The following SPTA1 variants were observed in gnomAD, a reference collection of about 807,000 sequenced individuals.
The protein encoded by SPTA1 is spectrin alpha, erythrocytic 1.
SPTA1 carries 177 observed loss-of-function variants against 324.7 expected under a neutral mutation model. That is an observed-to-expected ratio of 0.55 (90% confidence interval 0.48 to 0.62). The LOEUF is 0.62. Among genes scored for constraint, SPTA1 ranks in the 20% least tolerant of loss-of-function variants. The pLI is 0.00. For synonymous variants in SPTA1, 1,195 were observed against 1,041.3 expected (o/e 1.15, Z -2.84); for missense variants, 3,162 against 2,883.6 (o/e 1.10, Z -2.21).
At chr1:158,666,636 C>T in intron 15 of SPTA1, 139 bp from the exon 16 acceptor site, 1 of 780,696 alleles carries the variant, frequency 1.3e-6, no homozygotes, top group East Asian at 2.7e-5. Flanking sequence ...TCACATGTCT[C>T]ACAAAAAGTC....
At chr1:158,662,665 C>T (rs1653311764) in intron 17 of SPTA1, 37 bp downstream of exon 17, 2 of 1,612,734 alleles carry the variant, frequency 1.2e-6, no homozygotes, top group Admixed American at 1.7e-5. Context: ...GACCTTGGTC[C>T]TTTCCTAGTG....
intron 47 of SPTA1, among the ~76,000 whole-genome samples, chr1:158,617,176 A>T (rs2022003): frequency 0.29 from 43,488 of 151,966 alleles, 6,375 homozygotes; most frequent in East Asian, 0.44. Flanking sequence ...GCACTTTTAC[A>T]TTTGCTCCTT....
chr1:158,618,243 T>G (rs2101755803), intron 45 of SPTA1, 187 bp from the exon 46 acceptor site: 1 of 632,182 alleles, frequency 1.6e-6, no homozygotes, highest in South Asian at 1.9e-5. Flanking sequence ...GATCAGAGTC[T>G]CCCATAAAGC....
rs372976600 is a variant in SPTA1, at chr1:158,656,675, G to T, written c.2806-19C>A. 28 of 1,595,954 alleles carry T rather than the reference G, an allele frequency of 1.8e-5. No homozygotes were observed. In the South Asian group the frequency reaches 2.1e-4, roughly 12 times the overall value. On this transcript the variant is annotated intron_variant, in intron 19 of 51. Transcript: ENST00000643759. Reference sequence around the variant, plus strand: ...GAAGAGCCTGCATTTATTGATGGAAGATCATCAGAATGAATATAGGAGGAA... The same window carrying T: ...GAAGAGCCTGCATTTATTGATGGAATATCATCAGAATGAATATAGGAGGAA...
intron 14 of SPTA1, 121 bp from the exon 15 acceptor site, chr1:158,668,183 AG>A (rs1430422645): frequency 1.8e-6 from 2 of 1,123,560 alleles, no homozygotes; most frequent in African/African-American, 1.6e-5. Context: ...AGAAGATAAA[AG>A]GGGGAAGTTT....
rs531590551 is a variant in SPTA1, at chr1:158,647,627, C to A, written c.3808G>T (p.Ala1270Ser). Reference protein sequence around the residue: ...LQRQKMELNEAWEDLQGRTKD... With the variant: ...LQRQKMELNESWEDLQGRTKD... ...GTACGCCCCTGCAGGTCTTCCCAGG[C>A]CTCATTCAGCTCCATTTTCTGTCTC... is the stretch of plus-strand genomic sequence containing the variant. The change falls in exon 27 of 52, where the codon GCC (alanine) becomes TCC (serine). Residue 1270 changes from alanine to serine, a missense_variant. Transcript: ENST00000643759. The A allele has an allele frequency of 7.1e-5, 114 of 1,613,974 alleles. 1 individual carries two copies. The South Asian group carries it at 1.2e-3, about 17-fold the overall frequency.
chr1:158,615,596 A>C (rs1036771417), intron 47 of SPTA1, among the ~76,000 whole-genome samples, 193 bp from the exon 48 acceptor site: 1 of 152,196 alleles, frequency 6.6e-6, no homozygotes, highest in African/African-American at 2.4e-5. Context: ...GTTTAGGTGA[A>C]TAAAACTTGT....
intron 3 of SPTA1, 47 bp downstream of exon 3, chr1:158,683,324 T>C (rs891659450): frequency 6.2e-7 from 1 of 1,611,974 alleles, no homozygotes. Flanking sequence ...AAAACCCTGA[T>C]AACATAATCA....
chr1:158,625,076 C>A (rs766217205), intron 42 of SPTA1, among the ~76,000 whole-genome samples: 54 of 152,262 alleles, frequency 3.5e-4, no homozygotes, highest in Admixed American at 1.2e-3. Flanking sequence ...AACAGACTCA[C>A]TTTTTCCATA....
At position 158,613,724 on chromosome 1, in the gene SPTA1, C is replaced by A. The variant is rs762424841; in HGVS notation, c.6986G>T (p.Gly2329Val). 6.2e-7 allele frequency: 1 copy of A among 1,613,614 alleles called. No homozygotes were observed. The highest frequency in any genetic ancestry group is 1.3e-5 in the African/African-American group (1 of 74,892). ...FEKFLDAVDP[G>V]RKGYVSLEDY... ...TGACCCTTAGTCTTGTTCCTACCTC[C>A]CTGGATCCACAGCATCCAGGAACTT... The change falls in exon 50 of 52, where the codon GGG becomes GTG. Residue 2329 changes from glycine (G) to valine (V), a missense_variant. Coordinates refer to ENST00000643759, the MANE Select transcript of SPTA1 (RefSeq NM_003126.4).
Position 158,678,423 on chromosome 1 carries a change from C to T in SPTA1, c.790G>A (p.Ala264Thr). The T allele has an allele frequency of 1.2e-6, 2 of 1,613,664 alleles. No individual in the cohort carries two copies. The highest frequency in any genetic ancestry group is 2.2e-5 in the South Asian group (2 of 91,076). The change falls in exon 6 of 52, where the codon GCA becomes ACA. Residue 264 changes from alanine (A) to threonine (T), a missense_variant. Transcript: ENST00000643759. ...TACCTTTTGAATCGTTGTAAGTTTG[C>T]AGCATTGGACAGAGCTTTCTGTCTC... ...LQRQKALSNA[A>T]NLQRFKRDVT...
At position 158,645,545 on chromosome 1, in the gene SPTA1, C is replaced by T; in HGVS notation, c.3946G>A (p.Glu1316Lys). ...ATGCCAGTTAAGTCTTCGGCCAGCT[C>T]CTGTGATGATACCATGCCACCAATG... The part of the protein sequence containing the change: ...SSIGGMVSSQ[E>K]LAEDLTGIEI... Residue 1316 changes from glutamate (E) to lysine (K), a missense_variant, in exon 28 of 52, where the codon GAG becomes AAG. Transcript: ENST00000643759. 1 of 1,614,002 alleles carries T rather than the reference C, an allele frequency of 6.2e-7. No homozygotes were observed. The highest frequency in any genetic ancestry group is 8.5e-7 in the Non-Finnish European group (1 of 1,179,912).
rs551968324 is a variant in SPTA1, at chr1:158,639,514, C to G, written c.4980+68G>C. The G allele has an allele frequency of 4.8e-5, 73 of 1,516,722 alleles. No homozygotes were observed. In the African/African-American group the frequency reaches 8.5e-4, roughly 18 times the overall value. 94.0% of individuals were successfully genotyped at this position (1,516,722 alleles called of 1,614,324 possible). On this transcript the variant is annotated intron_variant, in intron 35 of 51. Coordinates refer to ENST00000643759, the MANE Select transcript of SPTA1 (RefSeq NM_003126.4). ...GCTATGTTTTCAAATGGTCTCCTAA[C>G]ATGGGAGGGAGAAGAGCCAGAAATA...
chr1:158,672,239 T>C, intron 10 of SPTA1, 43 bp from the exon 11 acceptor site: 1 of 1,540,200 alleles, frequency 6.5e-7, no homozygotes, highest in Non-Finnish European at 8.8e-7. Context: ...ATAATTAATT[T>C]ATTTTATTCT....
intron 48 of SPTA1, 77 bp from the exon 49 acceptor site, chr1:158,614,383 G>C (rs1045868917): frequency 3.8e-6 from 4 of 1,060,526 alleles, no homozygotes; most frequent in African/African-American, 1.6e-5. Context: ...ACATGGAAGA[G>C]AGAGGAATTT....
intron 10 of SPTA1, 84 bp from the exon 11 acceptor site, chr1:158,672,280 C>A: frequency 7.1e-7 from 1 of 1,416,338 alleles, no homozygotes; most frequent in South Asian, 1.3e-5. Flanking sequence ...AAATGCAAAG[C>A]CATTTAAGGA....
Position 158,612,678 on chromosome 1 carries a change from C to A in SPTA1, c.7134+139G>T, listed in dbSNP as rs1649332141. The A allele has an allele frequency of 5.6e-6, 5 of 897,390 alleles. No homozygotes were observed. In the Admixed American group the frequency reaches 9.9e-5, roughly 18 times the overall value. 55.6% of individuals were successfully genotyped at this position (897,390 alleles called of 1,614,324 possible). A position where few individuals can be genotyped will look rare whatever the true frequency, so the allele number is the denominator to read the frequency against. On this transcript the variant is annotated intron_variant, in intron 51 of 51. Coordinates refer to ENST00000643759, the MANE Select transcript of SPTA1 (RefSeq NM_003126.4). ...AGACAAAATGAAGTGGTTACCAAAG[C>A]AAATGACATCTTGTGAAAGGGGAGG...
In SPTA1 at chr1:158,683,601, C is replaced by T. The variant is rs187696583; in HGVS notation, c.265-105G>A. On this transcript the variant is annotated intron_variant, in intron 2 of 51. Coordinates refer to ENST00000643759, the MANE Select transcript of SPTA1 (RefSeq NM_003126.4). ...ACACAGGTTCTCAAAGGGTCCCAGA[C>T]TCAGAGGCCATAAAGAGTATTTTCC... The T allele has an allele frequency of 1.2e-5, 17 of 1,449,130 alleles. No individual in the cohort carries two copies. In the African/African-American group the frequency reaches 1.4e-4, roughly 12 times the overall value. The allele number at this position is 1,449,130 out of a possible 1,614,324, so 89.8% of individuals were successfully genotyped here. A position where few individuals can be genotyped will look rare whatever the true frequency, so the allele number is the denominator to read the frequency against.
chr1:158,654,101 TA>T (rs1245509303), intron 21 of SPTA1, among the ~76,000 whole-genome samples: 1 of 152,210 alleles, frequency 6.6e-6, no homozygotes, highest in African/African-American at 2.4e-5. Context: ...TATCAGAGTA[TA>T]AAAAATTACT....
Sources: allele counts gnomAD v4.1 joint callset (sites outside exome capture counted in the v4.1 genomes callset), GRCh38; gene constraint gnomAD v4.1.1; transcripts MANE v1.5; gene names NCBI Gene and HGNC (gene_info 2026-07-23, HGNC 2026-07-21).